The following MDN1 variants were observed in gnomAD, a reference collection of about 807,000 sequenced individuals.
The protein encoded by MDN1 is midasin.
A neutral mutation model predicts 669.2 loss-of-function variants in MDN1; 266 were observed. The observed-to-expected ratio is 0.40, with a 90% CI of 0.36 to 0.44. The LOEUF (loss-of-function observed/expected upper bound fraction) is 0.44, where lower values mean the gene tolerates loss of function less well. Among genes scored for constraint, MDN1 ranks in the 20% least tolerant of loss-of-function variants. The probability of loss-of-function intolerance (pLI) is 1.00; values close to 1 mark genes in which losing one functional copy is unlikely to be tolerated. For synonymous variants in MDN1, 2,385 were observed against 2,457.1 expected (o/e 0.97, Z 0.87); for missense variants, 5,940 against 6,754.0 (o/e 0.88, Z 4.22).
chr6:89,805,160 C>A (rs535729931), intron 1 of MDN1, among the ~76,000 whole-genome samples: 1 of 152,016 alleles, frequency 6.6e-6, no homozygotes, highest in South Asian at 2.1e-4. Context: ...TCTGCACAAC[C>A]GTTTCTGCCC....
In MDN1 at chr6:89,722,950, C is replaced by T. The variant is rs757483643; in HGVS notation, c.5967+5G>A. Reference sequence around the variant, plus strand: ...AGAAATACAAATACCAAGCGTGAAACTCACCTTTTTTTTGTCCTCTTCGGT... The same window carrying T: ...AGAAATACAAATACCAAGCGTGAAATTCACCTTTTTTTTGTCCTCTTCGGT... On this transcript the variant is annotated splice_donor_5th_base_variant and intron_variant, in intron 40 of 101. Transcript: ENST00000369393. 4 of 1,604,280 alleles carry T rather than the reference C, an allele frequency of 2.5e-6. No individual in the cohort carries two copies. The highest frequency in any genetic ancestry group is 1.3e-5 in the African/African-American group (1 of 74,530).
At chr6:89,736,364 C>T (rs1456168037) in intron 33 of MDN1, among the ~76,000 whole-genome samples, 1 of 152,206 alleles carries the variant, frequency 6.6e-6, no homozygotes, top group Admixed American at 6.5e-5. Context: ...GCAACTGAAC[C>T]CTCTGTCATT....
chr6:89,691,244 G>A (rs1663069806), intron 63 of MDN1, among the ~76,000 whole-genome samples: 1 of 152,178 alleles, frequency 6.6e-6, no homozygotes, highest in African/African-American at 2.4e-5. Context: ...CTTAGACTAG[G>A]GACTGGGTGG....
rs756643435 is a variant in MDN1 at position 89,680,607 on chromosome 6, C to T, written c.12247G>A (p.Gly4083Ser). Reference sequence around the variant, plus strand: ...CACCCACCTGTGAACTGATCAAGGCCCTCCACAAGGCGAGGCAGGGGGCTC... The same window carrying T: ...CACCCACCTGTGAACTGATCAAGGCTCTCCACAAGGCGAGGCAGGGGGCTC... ...KESPLPRLVE[G>S]LDQFTGEVIS... The change falls in exon 74 of 102, where the codon GGC becomes AGC. Residue 4083 changes from glycine (G) to serine (S), a missense_variant. This residue lies in a region of MDN1 where 2,280 missense variants were observed against 2,576.3 expected (regional missense o/e 0.88). Coordinates refer to ENST00000369393, the MANE Select transcript of MDN1 (RefSeq NM_014611.3). 5 of 1,614,154 alleles carry T rather than the reference C, an allele frequency of 3.1e-6. No individual in the cohort carries two copies. In the South Asian group the frequency reaches 5.5e-5, roughly 18 times the overall value.
intron 1 of MDN1, among the ~76,000 whole-genome samples, chr6:89,816,967 C>G (rs72919976): frequency 0.093 from 14,161 of 152,190 alleles, 850 homozygotes; most frequent in Non-Finnish European, 0.13. Context: ...TGCCACTGTG[C>G]CCAGCCTCCA....
chr6:89,754,205 A>G lies in MDN1; in HGVS notation c.2842T>C (p.Ser948Pro). The change falls in exon 21 of 102, where the codon TCT (serine) becomes CCT (proline). Residue 948 changes from serine to proline, a missense_variant. Coordinates refer to ENST00000369393, the MANE Select transcript of MDN1 (RefSeq NM_014611.3). The part of the protein sequence containing the change: ...INFYTALRKE[S>P]GTKLVDGTGH... ...GTGCCATCCACCAGTTTGGTCCCAG[A>G]CTCTTTCCGCAAAGCTGTGTAGAAG... 6.2e-7 allele frequency: 1 copy of G among 1,613,824 alleles called. No homozygotes were observed. The highest frequency in any genetic ancestry group is 8.5e-7 in the Non-Finnish European group (1 of 1,179,846).
intron 11 of MDN1, among the ~76,000 whole-genome samples, chr6:89,777,707 A>G (rs1818425629): frequency 6.6e-6 from 1 of 151,984 alleles, no homozygotes; most frequent in Non-Finnish European, 1.5e-5. Context: ...TTTTGAGGTG[A>G]TTTTCAGATT....
chr6:89,682,212 T>C (rs565908617), intron 73 of MDN1, among the ~76,000 whole-genome samples: 14 of 152,238 alleles, frequency 9.2e-5, no homozygotes, highest in Non-Finnish European at 1.8e-4. Context: ...AGCTTCCTCA[T>C]GTGGTAGCCC....
intron 7 of MDN1, among the ~76,000 whole-genome samples, chr6:89,789,523 G>A (rs907848750): frequency 6.6e-6 from 1 of 152,118 alleles, no homozygotes. Flanking sequence ...ATACTACTAT[G>A]AAACTGGTCA....
rs1161836045 is a variant in MDN1 at position 89,690,695 on chromosome 6, T to G, written c.10727A>C (p.Lys3576Thr). Residue 3576 changes from lysine to threonine, a missense_variant, in exon 64 of 102, where the codon AAA becomes ACA. Coordinates refer to ENST00000369393, the MANE Select transcript of MDN1 (RefSeq NM_014611.3). ...TACCTTTTCATGCAGGGGGAACTGT[T>G]TTCTGAACTCCCGTTCTTCCTCCTC... ...EEEEEEREFR[K>T]QFPLHEKDFA... The G allele has an allele frequency of 6.2e-7, 1 of 1,614,000 alleles. No homozygotes were observed. The highest frequency in any genetic ancestry group is 8.5e-7 in the Non-Finnish European group (1 of 1,180,022).
intron 2 of MDN1, among the ~76,000 whole-genome samples, chr6:89,802,980 T>C (rs1317790713): frequency 6.6e-6 from 1 of 152,204 alleles, no homozygotes; most frequent in East Asian, 1.9e-4. Context: ...GCAAGGAATC[T>C]TTCCCATTAG....
chr6:89,736,291 A>G (rs1256214077), intron 33 of MDN1, among the ~76,000 whole-genome samples: 1 of 152,206 alleles, frequency 6.6e-6, no homozygotes, highest in African/African-American at 2.4e-5. Flanking sequence ...CTCAGAGGTA[A>G]GTCCTCAGGG....
Position 89,676,348 on chromosome 6 carries a change from G to A in MDN1, c.12540-141C>T, listed in dbSNP as rs977497116. 3.6e-5 allele frequency: 25 copies of A among 696,214 alleles called. No homozygotes were observed. The South Asian group carries it at 4.2e-4, about 12-fold the overall frequency. The allele number at this position is 696,214 out of a possible 1,614,324, so 43.1% of individuals were successfully genotyped here. A position where few individuals can be genotyped will look rare whatever the true frequency, so the allele number is the denominator to read the frequency against. On this transcript the variant is annotated intron_variant, in intron 76 of 101. Coordinates refer to ENST00000369393, the MANE Select transcript of MDN1 (RefSeq NM_014611.3). The stretch of plus-strand genomic sequence containing the variant: ...GTTTATTTCTATGAGGAATCATTCA[G>A]TGAGGCACTCATTAGTCCTTTACTT...
Position 89,819,575 on chromosome 6 carries a change from C to A in MDN1, c.33G>T (p.Ala11=). The change falls in exon 1 of 102, where the codon GCG becomes GCT. Residue 11 remains alanine (A), a synonymous_variant. Transcript: ENST00000369393. The part of the protein sequence containing the change: MEHFLLEVAA[A]PLRLIAAKNE... ...TCTTGGCTGCGATTAACCGCAGCGGCGCGGCTGCCACCTCCAGCAAGAAGT... is the reference window on the plus strand; with the variant it reads ...TCTTGGCTGCGATTAACCGCAGCGGAGCGGCTGCCACCTCCAGCAAGAAGT... 6.2e-7 allele frequency: 1 copy of A among 1,603,038 alleles called. No individual in the cohort carries two copies.
At chr6:89,802,007 T>C (rs1328115992) in intron 2 of MDN1, among the ~76,000 whole-genome samples, 2 of 152,118 alleles carry the variant, frequency 1.3e-5, no homozygotes, top group Non-Finnish European at 2.9e-5. Flanking sequence ...CGTGTAATTC[T>C]AACTTTCTGA....
intron 33 of MDN1, among the ~76,000 whole-genome samples, chr6:89,737,152 T>C (rs554243048): frequency 1.3e-5 from 2 of 152,214 alleles, no homozygotes; most frequent in Admixed American, 6.5e-5. Flanking sequence ...ATTCTGGCCA[T>C]TCAAGCAGCA....
chr6:89,779,027 C>T (rs1033129358), intron 11 of MDN1, among the ~76,000 whole-genome samples: 1 of 151,330 alleles, frequency 6.6e-6, no homozygotes, highest in African/African-American at 2.4e-5. Flanking sequence ...AATCTATGCA[C>T]ACCTTCTTTA....
Position 89,803,328 on chromosome 6 carries a change from G to T in MDN1, c.329C>A (p.Pro110Gln). 1 of 1,612,292 alleles carries T rather than the reference G, an allele frequency of 6.2e-7. No homozygotes were observed. The highest frequency in any genetic ancestry group is 8.5e-7 in the Non-Finnish European group (1 of 1,178,436). Residue 110 changes from proline to glutamine, a missense_variant and splice_region_variant, in exon 2 of 102, where the codon CCG becomes CAG. Coordinates refer to ENST00000369393, the MANE Select transcript of MDN1 (RefSeq NM_014611.3). ...TGCGAATAATAAAATTGCTACTCAC[G>T]GGAGGACATCAGGATGGTTACCAAT... ...KLIGNHPDVL[P>Q]FALRYFKDTS...
Position 89,751,524 on chromosome 6 carries a change from A to G in MDN1, c.3134T>C (p.Val1045Ala). The change falls in exon 23 of 102, where the codon GTG becomes GCG. Residue 1045 changes from valine (V) to alanine (A), a missense_variant. By Grantham distance (64) the Val-to-Ala change is moderately conservative (BLOSUM62 0). This residue lies in a region of MDN1 where 1,203 missense variants were observed against 1,268.9 expected (regional missense o/e 0.95). Transcript: ENST00000369393. ...ATCTATTGTAGGCTCCTTGTCTCCC[A>G]CCGCAATCCAGTAGCCTTCAACCTG... ...LIQVEGYWIA[V>A]GDKEPTIDET... 1 of 1,614,158 alleles carries G rather than the reference A, an allele frequency of 6.2e-7. No individual in the cohort carries two copies. Among genetic ancestry groups the G allele is most frequent in the African/African-American group, 1.3e-5 (1 of 75,034 alleles).
Sources: gnomAD v4.1 joint callset for allele counts (sites outside exome capture counted in the v4.1 genomes callset) on GRCh38, gnomAD v4.1.1 for gene constraint, gnomAD v4.1.1 regional missense constraint, MANE v1.5 for transcripts, NCBI Gene and HGNC (gene_info 2026-07-23, HGNC 2026-07-21) for gene names.